PKHD1L1: variants seen among roughly 807,000 people sequenced by gnomAD.
PKHD1L1 encodes the protein fibrocystin-L.
Under a neutral mutation model 462.9 loss-of-function variants are expected in PKHD1L1, and 434 were observed. The observed-to-expected ratio is 0.94, with a 90% CI of 0.87 to 1.02. PKHD1L1 has a LOEUF of 1.02. PKHD1L1 is among the 50% of genes least tolerant of loss of function. The pLI is 0.00. For synonymous variants in PKHD1L1, 1,781 were observed against 1,750.0 expected (o/e 1.02, Z -0.44); for missense variants, 5,202 against 5,096.1 (o/e 1.02, Z -0.63).
intron 11 of PKHD1L1, among the ~76,000 whole-genome samples, chr8:109,397,872 A>G (rs1346742602): frequency 6.6e-6 from 1 of 152,230 alleles, no homozygotes; most frequent in African/African-American, 2.4e-5. Flanking sequence ...ATTGTGAGGA[A>G]CACATGGAGG....
chr8:109,433,348 T>C lies in PKHD1L1; in HGVS notation c.3340+132T>C, dbSNP rs762798876. 147 of 790,780 alleles carry C rather than the reference T, an allele frequency of 1.9e-4. 1 individual carries two copies. Among genetic ancestry groups the C allele is most frequent in the Non-Finnish European group, 2.7e-4 (135 of 493,172 alleles). 49.0% of individuals were successfully genotyped at this position (790,780 alleles called of 1,614,324 possible). A position where few individuals can be genotyped will look rare whatever the true frequency, so the allele number is the denominator to read the frequency against. On this transcript the variant is annotated intron_variant, in intron 28 of 77. Transcript: ENST00000378402. ...AGTATTACAATTATCATGATCCCTA[T>C]GGGGTCATGAAATTGGCAACCTGGT...
intron 75 of PKHD1L1, 84 bp downstream of exon 75, chr8:109,522,974 G>A: frequency 1.5e-6 from 2 of 1,374,468 alleles, no homozygotes; most frequent in South Asian, 1.5e-5. Context: ...TCATCCTGGT[G>A]TGCTGGCAGC....
rs141250275 is a variant in PKHD1L1 at position 109,451,455 on chromosome 8, T to C, written c.6350+306T>C. ...TTGCCCCCAATCCTAGTATGTAGCA[T>C]CACAAATATAAATCACCTTCTTGTT... is the stretch of plus-strand genomic sequence containing the variant. On this transcript the variant is annotated intron_variant, in intron 41 of 77. Transcript: ENST00000378402. 1.7e-4 allele frequency among the ~76,000 whole-genome samples: 26 copies of C among 152,272 alleles called. No individual in the cohort carries two copies. The East Asian group carries it at 4.8e-3, about 28-fold the overall frequency.
Position 109,425,221 on chromosome 8 carries a change from A to T in PKHD1L1, c.2834A>T (p.His945Leu). 2 of 1,598,120 alleles carry T rather than the reference A, an allele frequency of 1.3e-6. No homozygotes were observed. Among genetic ancestry groups the T allele is most frequent in the Non-Finnish European group, 8.5e-7 (1 of 1,174,642 alleles). The part of the protein sequence containing the change: ...SGSFDIQAYG[H>L]ILKGLPAAVS... Reference sequence around the variant, plus strand: ...AGCTTTGACATTCAAGCTTATGGACATATTCTTAAAGGTATATGAAAAAAA... The same window carrying T: ...AGCTTTGACATTCAAGCTTATGGACTTATTCTTAAAGGTATATGAAAAAAA... Residue 945 changes from histidine to leucine, a missense_variant, in exon 24 of 78, where the codon CAT becomes CTT. Coordinates refer to ENST00000378402, the MANE Select transcript of PKHD1L1 (RefSeq NM_177531.6).
chr8:109,471,008 G>T lies in PKHD1L1; in HGVS notation c.8606-4110G>T, dbSNP rs1175882880. ...AGGCATCCCGCAGTTTCACAGTCCA[G>T]TTGGGTCACCACTTAAGTCAATACA... On this transcript the variant is annotated intron_variant, in intron 50 of 77. Transcript: ENST00000378402. The T allele has an allele frequency of 6.2e-6, 10 of 1,610,288 alleles. No individual in the cohort carries two copies. The Admixed American group carries it at 1.7e-4, about 27-fold the overall frequency.
In PKHD1L1 at chr8:109,531,499, T is replaced by G. The variant is rs574841113; in HGVS notation, c.*1409T>G. 1.8e-3 allele frequency among the ~76,000 whole-genome samples: 259 copies of G among 146,764 alleles called. No homozygotes were observed. The highest frequency in any genetic ancestry group is 2.7e-3 in the Non-Finnish European group (182 of 66,376). On this transcript the variant is annotated 3_prime_UTR_variant, in exon 78 of 78. Coordinates refer to ENST00000378402, the MANE Select transcript of PKHD1L1 (RefSeq NM_177531.6). ...ACAGAGAGGGAGGGGGAGAGAGAGATAGATAGAGAGAGAGAGAAAGCATGA... is the reference window on the plus strand; with the variant it reads ...ACAGAGAGGGAGGGGGAGAGAGAGAGAGATAGAGAGAGAGAGAAAGCATGA...
Position 109,368,823 on chromosome 8 carries a change from T to G in PKHD1L1, c.163+4187T>G, listed in dbSNP as rs16879392. 7.5e-3 allele frequency among the ~76,000 whole-genome samples: 1,139 copies of G among 152,220 alleles called. 16 individuals are homozygous for G. The highest frequency in any genetic ancestry group is 0.025 in the African/African-American group (1,046 of 41,536). ...TGGCAATTCCTGTCTCCAGTTTTTC[T>G]GCAAAATTAAAAAAAATACATCAAC... On this transcript the variant is annotated intron_variant, in intron 2 of 77. Transcript: ENST00000378402.
chr8:109,530,126 TA>T lies in PKHD1L1; in HGVS notation c.*38del. 1 of 1,269,894 alleles carries T rather than the reference TA, an allele frequency of 7.9e-7. No individual in the cohort carries two copies. The highest frequency in any genetic ancestry group is 1.0e-6 in the Non-Finnish European group (1 of 969,604). 78.7% of individuals were successfully genotyped at this position (1,269,894 alleles called of 1,614,324 possible). A position where few individuals can be genotyped will look rare whatever the true frequency, so the allele number is the denominator to read the frequency against. On this transcript the variant is annotated 3_prime_UTR_variant, in exon 78 of 78. Transcript: ENST00000378402. Reference sequence around the variant, plus strand: ...CGAAGAATAGGCTGAAACAAAAATATAAGAATTATTAGCTACTTTGTTGGGC... The same window carrying T: ...CGAAGAATAGGCTGAAACAAAAATATAGAATTATTAGCTACTTTGTTGGGC...
chr8:109,491,890 A>G lies in PKHD1L1; in HGVS notation c.10132A>G (p.Asn3378Asp). 1 of 1,603,214 alleles carries G rather than the reference A, an allele frequency of 6.2e-7. No individual in the cohort carries two copies. The change falls in exon 62 of 78, where the codon AAT becomes GAT. Residue 3378 changes from asparagine (N) to aspartate (D), a missense_variant. Around this residue, in one of 3 missense-constraint regions of PKHD1L1, gnomAD observed 4,497 missense variants for 4,336.8 expected, o/e 1.04. Coordinates refer to ENST00000378402, the MANE Select transcript of PKHD1L1 (RefSeq NM_177531.6). ...TTAAACAGGCATAAGAATATGGGGG[A>G]ATGCCAACCGAGTCCGAGGGAATTT... Reference protein sequence around the residue: ...TVGEGIRIWGNANRVRGNLIA... With the variant: ...TVGEGIRIWGDANRVRGNLIA...
Position 109,445,012 on chromosome 8 carries a change from TC to T in PKHD1L1, c.5147del (p.Pro1716LeufsTer9), listed in dbSNP as rs1476912201. Reference protein sequence around the residue: ...VNYTAIECETSPAAQQLVDVD... With the variant: ...VNYTAIECETXPAAQQLVDVD... The stretch of plus-strand genomic sequence containing the variant: ...TTATACGGCCATTGAATGTGAAACA[TC>T]CCCTGCTGCCCAACAGCTTGTGGAT... On this transcript the variant is annotated frameshift_variant, in exon 38 of 78. Transcript: ENST00000378402. LOFTEE classifies it high-confidence loss of function. 1.2e-6 allele frequency: 2 copies of T among 1,613,834 alleles called. No individual in the cohort carries two copies. Among genetic ancestry groups the T allele is most frequent in the Admixed American group, 1.7e-5 (1 of 59,992 alleles).
At chr8:109,452,501 T>C (rs999320723) in intron 42 of PKHD1L1, among the ~76,000 whole-genome samples, 1 of 151,712 alleles carries the variant, frequency 6.6e-6, no homozygotes, top group African/African-American at 2.4e-5. Flanking sequence ...TGGTAATAGA[T>C]TTTTTAAACT....
Position 109,385,686 on chromosome 8 carries a change from A to T in PKHD1L1, c.569+56A>T, listed in dbSNP as rs368054725. 819 of 1,142,886 alleles carry T rather than the reference A, an allele frequency of 7.2e-4. 14 individuals carry two copies. In the South Asian group the frequency reaches 0.011, roughly 15 times the overall value. The allele number at this position is 1,142,886 out of a possible 1,614,324, so 70.8% of individuals were successfully genotyped here. On this transcript the variant is annotated intron_variant, in intron 6 of 77. Transcript: ENST00000378402. The stretch of plus-strand genomic sequence containing the variant: ...TAACTCATAAATGAGAAGTAATATT[A>T]TAAAAATAATGGGTCCAATGATATT...
At chr8:109,473,486 A>G (rs1817829211) in intron 50 of PKHD1L1, among the ~76,000 whole-genome samples, 1 of 151,892 alleles carries the variant, frequency 6.6e-6, no homozygotes, top group Non-Finnish European at 1.5e-5. Flanking sequence ...ACTGGACTCC[A>G]GCCTGGGTGA....
At chr8:109,527,832 A>G (rs2131050495) in intron 77 of PKHD1L1, among the ~76,000 whole-genome samples, 1 of 152,314 alleles carries the variant, frequency 6.6e-6, no homozygotes, top group East Asian at 1.9e-4. Context: ...CCCATCAACC[A>G]ATACAGAAAG....
chr8:109,483,061 G>A lies in PKHD1L1; in HGVS notation c.9532G>A (p.Ala3178Thr). 1 of 1,602,196 alleles carries A rather than the reference G, an allele frequency of 6.2e-7. No homozygotes were observed. The highest frequency in any genetic ancestry group is 8.5e-7 in the Non-Finnish European group (1 of 1,174,312). The change falls in exon 57 of 78, where the codon GCA becomes ACA. Residue 3178 changes from alanine (A) to threonine (T), a missense_variant. Coordinates refer to ENST00000378402, the MANE Select transcript of PKHD1L1 (RefSeq NM_177531.6). ...AACTAAGCTCTCAGAAACTGCATTTGCAGGTTCCAAAGTCCTGTCTCTGAT... is the reference window on the plus strand; with the variant it reads ...AACTAAGCTCTCAGAAACTGCATTTACAGGTTCCAAAGTCCTGTCTCTGAT... Reference protein sequence around the residue: ...YKTKLSETAFAGSKVLSLMDA... With the variant: ...YKTKLSETAFTGSKVLSLMDA...
Position 109,394,504 on chromosome 8 carries a change from A to C in PKHD1L1, c.811+19A>C. 1 of 1,461,424 alleles carries C rather than the reference A, an allele frequency of 6.8e-7. No homozygotes were observed. The highest frequency in any genetic ancestry group is 1.4e-5 in the South Asian group (1 of 72,240). 90.5% of individuals were successfully genotyped at this position (1,461,424 alleles called of 1,614,324 possible). ...TATGCAGGTATGTGACTTTTCTTTC[A>C]CTCTGTTGCGGGGGTGGTGGGAAGG... On this transcript the variant is annotated intron_variant, in intron 10 of 77. Transcript: ENST00000378402.
intron 2 of PKHD1L1, among the ~76,000 whole-genome samples, chr8:109,370,484 T>A (rs1811445613): frequency 6.6e-6 from 1 of 151,512 alleles, no homozygotes; most frequent in Non-Finnish European, 1.5e-5. Context: ...TATTTTATTT[T>A]ATTTATTTTA....
At position 109,409,478 on chromosome 8, in the gene PKHD1L1, GT is replaced by G. The variant is rs1043489530; in HGVS notation, c.1972-377del. 1.7e-4 allele frequency among the ~76,000 whole-genome samples: 26 copies of G among 148,580 alleles called. No individual in the cohort carries two copies. In the East Asian group the frequency reaches 2.2e-3, roughly 12 times the overall value. ...TGGCCAGAATCCATTGGCGTGTATA[GT>G]TTTTTTTTTCCAGTTAATTTTGAGT... On this transcript the variant is annotated intron_variant, in intron 18 of 77. Transcript: ENST00000378402.
intron 76 of PKHD1L1, among the ~76,000 whole-genome samples, chr8:109,523,910 CTGTGATTTTTCAGAAAG>C (rs1820688834): frequency 1.3e-5 from 2 of 152,160 alleles, no homozygotes; most frequent in South Asian, 4.1e-4. Context: ...CAAATGTCTC[CTGTGATTTTTCAGAAAG>C]TGTGCACAAT....
Sources: allele counts gnomAD v4.1 joint callset (sites outside exome capture counted in the v4.1 genomes callset), GRCh38; gene constraint gnomAD v4.1.1; regional missense constraint gnomAD v4.1.1; transcripts MANE v1.5; gene names NCBI Gene and HGNC (gene_info 2026-07-23, HGNC 2026-07-21).